The following KSR2 variants were observed in gnomAD, a reference collection of about 807,000 sequenced individuals.
KSR2 encodes kinase suppressor of ras 2.
KSR2 carries 25 observed loss-of-function variants against 107.8 expected under a neutral mutation model. That is an observed-to-expected ratio of 0.23 (90% CI 0.17 to 0.32). KSR2 has a LOEUF of 0.32. Ranked by LOEUF, KSR2 falls within the 10% of genes least tolerant of loss-of-function variation. KSR2 has a pLI of 1.00. For missense variants in KSR2, 887 were observed against 1,268.9 expected (o/e 0.70, Z 4.57); for synonymous variants, 480 against 507.0 (o/e 0.95, Z 0.71).
intron 1 of KSR2, among the ~76,000 whole-genome samples, chr12:117,929,906 G>A (rs1024049892): frequency 6.6e-6 from 1 of 152,124 alleles, no homozygotes; most frequent in Admixed American, 6.6e-5. Flanking sequence ...TTCTAATAGG[G>A]ATGATGAAAA....
At chr12:117,776,442 C>T (rs914954384) in intron 3 of KSR2, among the ~76,000 whole-genome samples, 1 of 152,134 alleles carries the variant, frequency 6.6e-6, no homozygotes, top group African/African-American at 2.4e-5. Flanking sequence ...GTATTTACTA[C>T]AACTCATAAA....
At chr12:117,765,728 C>T (rs1889202568) in intron 3 of KSR2, among the ~76,000 whole-genome samples, 1 of 151,992 alleles carries the variant, frequency 6.6e-6, no homozygotes, top group African/African-American at 2.4e-5. Flanking sequence ...GAAAGCAGGG[C>T]ACAGAGACAA....
chr12:117,674,005 G>A (rs1354860198), intron 4 of KSR2, among the ~76,000 whole-genome samples: 3 of 152,184 alleles, frequency 2.0e-5, no homozygotes, highest in Non-Finnish European at 2.9e-5. Flanking sequence ...GCTGTGCAGA[G>A]GGGCTGGGCT....
intron 4 of KSR2, among the ~76,000 whole-genome samples, chr12:117,676,801 A>G (rs1175383025): frequency 6.6e-6 from 1 of 152,202 alleles, no homozygotes; most frequent in Non-Finnish European, 1.5e-5. Flanking sequence ...CCAGGCCTGT[A>G]TCTAACCAAA....
chr12:117,740,548 G>A (rs1163787484), intron 4 of KSR2, among the ~76,000 whole-genome samples: 208 of 87,006 alleles, frequency 2.4e-3, no homozygotes, highest in African/African-American at 6.3e-3. Context: ...TGTAATATAT[G>A]CATATAATAT....
intron 1 of KSR2, among the ~76,000 whole-genome samples, chr12:117,958,417 C>T (rs1896574289): frequency 6.6e-6 from 1 of 152,154 alleles, no homozygotes; most frequent in African/African-American, 2.4e-5. Flanking sequence ...TCCAGCAGTT[C>T]CATTTCTAGG....
intron 4 of KSR2, among the ~76,000 whole-genome samples, chr12:117,744,742 T>C (rs1329163879): frequency 6.6e-6 from 1 of 152,168 alleles, no homozygotes; most frequent in African/African-American, 2.4e-5. Context: ...TAACTTCACA[T>C]CTTAACAATA....
chr12:117,484,352 TA>T, intron 16 of KSR2, 63 bp downstream of exon 16: 1 of 1,589,044 alleles, frequency 6.3e-7, no homozygotes, highest in African/African-American at 1.3e-5. Flanking sequence ...CCATTTGGAC[TA>T]ACTTCCCACC....
chr12:117,719,531 C>T lies in KSR2; in HGVS notation c.986+41480G>A, dbSNP rs1192873266. Among the ~76,000 whole-genome samples, 5 of 152,136 alleles carry T rather than the reference C, an allele frequency of 3.3e-5. No individual in the cohort carries two copies. In the East Asian group the frequency reaches 7.7e-4, roughly 24 times the overall value. ...GTCTTGCATTCAATGTGGCAACAGT[C>T]AGCTAGAAAGAAGGAGTGGCTTCCC... On this transcript the variant is annotated intron_variant, in intron 4 of 19. Transcript: ENST00000339824.
intron 4 of KSR2, among the ~76,000 whole-genome samples, chr12:117,691,655 T>C (rs946206995): frequency 3.9e-5 from 6 of 152,232 alleles, no homozygotes; most frequent in Admixed American, 2.0e-4. Context: ...AGAATCTCTA[T>C]GCTGTGTGGC....
At chr12:117,870,700 T>C (rs980708455) in intron 1 of KSR2, among the ~76,000 whole-genome samples, 6 of 152,128 alleles carry the variant, frequency 3.9e-5, no homozygotes, top group African/African-American at 1.4e-4. Flanking sequence ...GGGAGGTGTT[T>C]CCCAGGTCAC....
intron 5 of KSR2, among the ~76,000 whole-genome samples, chr12:117,641,963 C>T (rs1476499903): frequency 6.6e-6 from 1 of 152,204 alleles, no homozygotes; most frequent in East Asian, 1.9e-4. Context: ...TTCCTGAAAC[C>T]TGCCAAGCTC....
intron 4 of KSR2, among the ~76,000 whole-genome samples, chr12:117,701,982 A>G (rs1346740617): frequency 6.6e-6 from 1 of 152,204 alleles, no homozygotes; most frequent in East Asian, 1.9e-4. Flanking sequence ...GAGCCACAGG[A>G]AACTAATACT....
chr12:117,552,580 T>C (rs971491972), intron 9 of KSR2, among the ~76,000 whole-genome samples: 1 of 152,202 alleles, frequency 6.6e-6, no homozygotes, highest in African/African-American at 2.4e-5. Flanking sequence ...ATACAGGTGC[T>C]CTAGTTGACA....
At chr12:117,711,001 A>G (rs76573965) in intron 4 of KSR2, among the ~76,000 whole-genome samples, 5,379 of 152,238 alleles carry the variant, frequency 0.035, 155 homozygotes, top group Non-Finnish European at 0.056. Context: ...ATGTCACCTA[A>G]TCAGAGACAC....
At chr12:117,844,479 AG>A in intron 3 of KSR2, among the ~76,000 whole-genome samples, 1 of 131,314 alleles carries the variant, frequency 7.6e-6, no homozygotes, top group African/African-American at 3.5e-5. Flanking sequence ...TCCTCTTCTG[AG>A]TATTTTTTTT....
At chr12:117,853,004 T>G (rs1248697206) in intron 3 of KSR2, among the ~76,000 whole-genome samples, 2 of 152,150 alleles carry the variant, frequency 1.3e-5, no homozygotes, top group Non-Finnish European at 2.9e-5. Context: ...GGTTTCACTA[T>G]GTTGGTCAGG....
At position 117,525,044 on chromosome 12, in the gene KSR2, C is replaced by T; in HGVS notation, c.2027G>A (p.Arg676His). Residue 676 changes from arginine (R) to histidine (H), a missense_variant, in exon 14 of 20, where the codon CGC becomes CAC. Arg to His is a conservative substitution (Grantham distance 29). Transcript: ENST00000339824. ...GCGGCCGTGGTACACTTGCCCAAAGCGGCCCTTTCCAATGAGCTCGCCGAT... is the reference window on the plus strand; with the variant it reads ...GCGGCCGTGGTACACTTGCCCAAAGTGGCCCTTTCCAATGAGCTCGCCGAT... ...LEIGELIGKG[R>H]FGQVYHGRWH... The T allele has an allele frequency of 1.2e-6, 2 of 1,613,998 alleles. No homozygotes were observed. The highest frequency in any genetic ancestry group is 1.7e-6 in the Non-Finnish European group (2 of 1,179,900).
At chr12:117,683,821 G>A (rs1425745784) in intron 4 of KSR2, among the ~76,000 whole-genome samples, 1 of 152,144 alleles carries the variant, frequency 6.6e-6, no homozygotes, top group African/African-American at 2.4e-5. Flanking sequence ...TTCTGCAAAG[G>A]GCCAGAGAGG....
Sources: allele counts gnomAD v4.1 joint callset (sites outside exome capture counted in the v4.1 genomes callset), GRCh38; gene constraint gnomAD v4.1.1; transcripts MANE v1.5; gene names NCBI Gene and HGNC (gene_info 2026-07-23, HGNC 2026-07-21).